The following PATJ variants were observed in gnomAD, a reference collection of about 807,000 sequenced individuals.
PATJ encodes the protein inaD-like protein.
PATJ carries 190 observed loss-of-function variants against 224.9 expected under a neutral mutation model. That is an observed-to-expected ratio of 0.84 (90% CI 0.75 to 0.95). The LOEUF (loss-of-function observed/expected upper bound fraction) is 0.95, where lower values mean the gene tolerates loss of function less well. Ranked by LOEUF, PATJ falls within the 40% of genes least tolerant of loss-of-function variation. PATJ has a pLI of 0.00. For missense variants in PATJ, 2,121 were observed against 2,270.3 expected (o/e 0.93, Z 1.34); for synonymous variants, 769 against 820.3 (o/e 0.94, Z 1.07).
chr1:61,919,135 T>G (rs1673902681), intron 26 of PATJ, among the ~76,000 whole-genome samples: 1 of 152,084 alleles, frequency 6.6e-6, no homozygotes, highest in Admixed American at 6.6e-5. Flanking sequence ...GTCTTATCTG[T>G]TATATCTTTT....
chr1:61,943,126 A>G (rs891765327), intron 27 of PATJ, among the ~76,000 whole-genome samples: 1 of 152,226 alleles, frequency 6.6e-6, no homozygotes, highest in African/African-American at 2.4e-5. Context: ...AAGTAAAGGA[A>G]GCCTGCTGAG....
At chr1:62,144,777 A>ATATATATATATATATAT (rs1553280094) in intron 41 of PATJ, among the ~76,000 whole-genome samples, 8 of 119,100 alleles carry the variant, frequency 6.7e-5, no homozygotes, top group South Asian at 2.7e-4. Flanking sequence ...AAAAAAAAAA[A>ATATATATATATATATAT]ATATATATAT....
At chr1:61,798,839 A>G (rs1651873466) in intron 11 of PATJ, among the ~76,000 whole-genome samples, 2 of 151,920 alleles carry the variant, frequency 1.3e-5, no homozygotes, top group South Asian at 4.1e-4. Flanking sequence ...TTCAGTGAGC[A>G]TGCCACTGCC....
At chr1:61,894,887 G>T (rs1213852471) in intron 22 of PATJ, among the ~76,000 whole-genome samples, 1 of 152,192 alleles carries the variant, frequency 6.6e-6, no homozygotes, top group Non-Finnish European at 1.5e-5. Flanking sequence ...GAATACTTTT[G>T]ACCAAATGCT....
intron 10 of PATJ, among the ~76,000 whole-genome samples, chr1:61,796,299 A>G (rs896951522): frequency 3.9e-5 from 6 of 152,340 alleles, no homozygotes; most frequent in South Asian, 2.1e-4. Flanking sequence ...TGGGCTTGAC[A>G]TAGATTAAGA....
intron 39 of PATJ, among the ~76,000 whole-genome samples, chr1:62,125,086 C>T (rs779936908): frequency 4.6e-5 from 7 of 151,640 alleles, no homozygotes; most frequent in Non-Finnish European, 8.8e-5. Context: ...TAAAATTAGA[C>T]AGGCGTGGTG....
chr1:62,082,064 T>C (rs559191367), intron 32 of PATJ, among the ~76,000 whole-genome samples: 1 of 152,210 alleles, frequency 6.6e-6, no homozygotes, highest in Non-Finnish European at 1.5e-5. Context: ...ATTGGCAAGA[T>C]TTTTCTATAA....
chr1:61,796,724 T>TTCTTTCTTTTTCTTTCTTTC (rs1223383945), intron 10 of PATJ, among the ~76,000 whole-genome samples: 4 of 52,744 alleles, frequency 7.6e-5, no homozygotes, highest in South Asian at 1.6e-3. Context: ...CTTTCTTTCT[T>TTCTTTCTTTTTCTTTCTTTC]TTTCTTTCTT....
Position 62,161,575 on chromosome 1 carries a change from GTGA to G in PATJ, c.*523_*525del, listed in dbSNP as rs1669846391. 1 of 152,330 alleles carries G rather than the reference GTGA, an allele frequency of 6.6e-6. No individual in the cohort carries two copies. Among genetic ancestry groups the G allele is most frequent in the Non-Finnish European group, 1.5e-5 (1 of 68,222 alleles). 9.4% of individuals were successfully genotyped at this position (152,330 alleles called of 1,614,324 possible). Reference sequence around the variant, plus strand: ...GCTGGTCTTGAACTTCTGACCTCAGGTGATCTGCCTGCCTTGGCCTCCCAAAGT... The same window carrying G: ...GCTGGTCTTGAACTTCTGACCTCAGGTCTGCCTGCCTTGGCCTCCCAAAGT... On this transcript the variant is annotated 3_prime_UTR_variant, in exon 44 of 44. Coordinates refer to ENST00000642238, the MANE Select transcript of PATJ (RefSeq NM_001350145.3).
intron 27 of PATJ, among the ~76,000 whole-genome samples, chr1:61,962,126 G>T (rs1681400256): frequency 6.6e-6 from 1 of 151,988 alleles, no homozygotes; most frequent in Non-Finnish European, 1.5e-5. Context: ...ATTTCTTTTT[G>T]TTGGTTCCTC....
chr1:62,092,800 G>A (rs1660939922), intron 33 of PATJ, among the ~76,000 whole-genome samples: 1 of 151,178 alleles, frequency 6.6e-6, no homozygotes, highest in African/African-American at 2.4e-5. Context: ...GGAGTACAGT[G>A]GTACGATCTT....
intron 31 of PATJ, among the ~76,000 whole-genome samples, chr1:62,062,139 A>G (rs180913029): frequency 2.6e-5 from 4 of 152,282 alleles, no homozygotes; most frequent in Admixed American, 2.0e-4. Flanking sequence ...TGATACTTCT[A>G]TTTTTAGTTC....
intron 27 of PATJ, among the ~76,000 whole-genome samples, chr1:61,930,994 C>A (rs374630816): frequency 1.3e-5 from 2 of 152,168 alleles, no homozygotes; most frequent in African/African-American, 4.8e-5. Context: ...TGAGCCACCA[C>A]GCCCAGCCTA....
chr1:61,957,270 T>C (rs1288164980), intron 27 of PATJ, among the ~76,000 whole-genome samples: 1 of 152,228 alleles, frequency 6.6e-6, no homozygotes, highest in Admixed American at 6.5e-5. Context: ...CATTCTGCCA[T>C]CTACACGTAT....
At chr1:62,115,266 C>T (rs376699903) in intron 35 of PATJ, among the ~76,000 whole-genome samples, 36 of 152,158 alleles carry the variant, frequency 2.4e-4, no homozygotes, top group African/African-American at 7.5e-4. Flanking sequence ...GCTGAGATCA[C>T]GCCATTGCAT....
chr1:62,046,623 C>T (rs1652618261), intron 30 of PATJ, among the ~76,000 whole-genome samples: 1 of 152,162 alleles, frequency 6.6e-6, no homozygotes, highest in East Asian at 1.9e-4. Context: ...ATCTTTCAGT[C>T]CCGTCAGGGA....
chr1:61,959,432 T>TC (rs552078755), intron 27 of PATJ, among the ~76,000 whole-genome samples: 16,065 of 117,648 alleles, frequency 0.14, 1,360 homozygotes, highest in Middle Eastern at 0.2. Flanking sequence ...TATATTTTTT[T>TC]TCTTTTCTTT....
rs79022630 is a variant in PATJ at position 61,837,789 on chromosome 1, TA to T, written c.2112+4022del. On this transcript the variant is annotated intron_variant, in intron 17 of 43. Transcript: ENST00000642238. ...TGGGAGACAGAGTGAGACTCTGTCTTAAAAAAAAAAAAAAAAAAGGGAAAGA... is the reference window on the plus strand; with the variant it reads ...TGGGAGACAGAGTGAGACTCTGTCTTAAAAAAAAAAAAAAAAAGGGAAAGA... Among the ~76,000 whole-genome samples, 998 of 124,886 alleles carry T rather than the reference TA, an allele frequency of 8.0e-3. 14 individuals carry two copies. The highest frequency in any genetic ancestry group is 0.028 in the African/African-American group (904 of 32,868). 81.9% of individuals were successfully genotyped at this position (124,886 alleles called of 152,430 possible). A position where few individuals can be genotyped will look rare whatever the true frequency, so the allele number is the denominator to read the frequency against.
chr1:61,757,381 ATTATTTTTAT>A (rs997267449), intron 1 of PATJ, among the ~76,000 whole-genome samples: 191 of 150,512 alleles, frequency 1.3e-3, no homozygotes, highest in African/African-American at 4.6e-3. Context: ...CCTATTTTTC[ATTATTTTTAT>A]TTTTGTTTTT....
Sources: allele counts gnomAD v4.1 joint callset (sites outside exome capture counted in the v4.1 genomes callset), GRCh38; gene constraint gnomAD v4.1.1; transcripts MANE v1.5; gene names NCBI Gene and HGNC (gene_info 2026-07-23, HGNC 2026-07-21).